Variants in CCND2 observed in about 807,000 individuals in gnomAD.
The protein encoded by CCND2 is G1/S-specific cyclin-D2.
A neutral mutation model predicts 30.2 loss-of-function variants in CCND2; 6 were observed. That is an observed-to-expected ratio of 0.20 (90% CI 0.11 to 0.39). CCND2 has a LOEUF of 0.39. Among genes scored for constraint, CCND2 ranks in the 10% least tolerant of loss-of-function variants. The pLI, the probability that CCND2 is intolerant of heterozygous loss-of-function variation, is 1.00. For synonymous variants in CCND2, 150 were observed against 153.1 expected (o/e 0.98, Z 0.15); for missense variants, 235 against 373.4 (o/e 0.63, Z 3.06).
Position 4,273,885 on chromosome 12 carries a change from T to C in CCND2, c.-156T>C. The C allele has an allele frequency of 5.7e-6, 4 of 704,834 alleles. No homozygotes were observed. Among genetic ancestry groups the C allele is most frequent in the Non-Finnish European group, 9.3e-6 (4 of 431,084 alleles). The allele number at this position is 704,834 out of a possible 1,614,324, so 43.7% of individuals were successfully genotyped here. ...TCCTCGCCTCCCTTCTGCTCCACCT[T>C]CTCTCTCTGCCCTCACCTCTCCCCC... On this transcript the variant is annotated 5_prime_UTR_variant, in exon 1 of 5. Coordinates refer to ENST00000261254, the MANE Select transcript of CCND2 (RefSeq NM_001759.4). The surrounding 1 kb of genome is among the most constrained non-coding windows in gnomAD (Gnocchi z 5.9).
At chr12:4,290,775 C>A (rs1416288468) in intron 4 of CCND2, among the ~76,000 whole-genome samples, 1 of 152,208 alleles carries the variant, frequency 6.6e-6, no homozygotes, top group Non-Finnish European at 1.5e-5. Context: ...TTCGAGACCG[C>A]AGGCAAGTCA....
In CCND2 at chr12:4,305,172, T is replaced by C. The variant is rs760549484; in HGVS notation, c.*5163T>C. ...TTTTTAGGAAGTATGGCAAAAATGT[T>C]GTATTGGCTATGATGGTGACATGAT... is the stretch of plus-strand genomic sequence containing the variant. On this transcript the variant is annotated 3_prime_UTR_variant, in exon 5 of 5. Coordinates refer to ENST00000261254, the MANE Select transcript of CCND2 (RefSeq NM_001759.4). The surrounding 1 kb of genome is among the most constrained non-coding windows in gnomAD (Gnocchi z 6.4). 4.1e-4 allele frequency: 96 copies of C among 233,334 alleles called. No individual in the cohort carries two copies. Among genetic ancestry groups the C allele is most frequent in the Non-Finnish European group, 5.9e-5 (7 of 117,932 alleles). 14.5% of individuals were successfully genotyped at this position (233,334 alleles called of 1,614,324 possible). A position where few individuals can be genotyped will look rare whatever the true frequency, so the allele number is the denominator to read the frequency against.
chr12:4,273,934 GAA>G lies in CCND2; in HGVS notation c.-106_-105del. 2 of 1,105,382 alleles carry G rather than the reference GAA, an allele frequency of 1.8e-6. No homozygotes were observed. The highest frequency in any genetic ancestry group is 2.5e-6 in the Non-Finnish European group (2 of 785,996). 68.5% of individuals were successfully genotyped at this position (1,105,382 alleles called of 1,614,324 possible). A position where few individuals can be genotyped will look rare whatever the true frequency, so the allele number is the denominator to read the frequency against. On this transcript the variant is annotated 5_prime_UTR_variant, in exon 1 of 5. Transcript: ENST00000261254. The surrounding 1 kb of genome is among the most constrained non-coding windows in gnomAD (Gnocchi z 5.9). Reference sequence around the variant, plus strand: ...CCGAAAACCCCCTATTTAGCCAAAGGAAGGAGGTCAGGGGAACGCTCTCCCCT... The same window carrying G: ...CCGAAAACCCCCTATTTAGCCAAAGGGGAGGTCAGGGGAACGCTCTCCCCT...
intron 3 of CCND2, among the ~76,000 whole-genome samples, chr12:4,286,485 C>G (rs752289579): frequency 1.3e-5 from 2 of 152,326 alleles, no homozygotes; most frequent in Non-Finnish European, 2.9e-5. Flanking sequence ...TGCTCGTCTT[C>G]TGTGTAGCGG....
In CCND2 at chr12:4,303,533, A is replaced by G. The variant is rs1292453476; in HGVS notation, c.*3524A>G. On this transcript the variant is annotated 3_prime_UTR_variant, in exon 5 of 5. Coordinates refer to ENST00000261254, the MANE Select transcript of CCND2 (RefSeq NM_001759.4). This position sits in a 1 kb window ranked among gnomAD's most constrained non-coding sequence, Gnocchi z 4.6. ...CTTCCATCTGTTTGTTTTTTTCTCCATCAGTGGGGGCCGAGTTGTTCCCCC... is the reference window on the plus strand; with the variant it reads ...CTTCCATCTGTTTGTTTTTTTCTCCGTCAGTGGGGGCCGAGTTGTTCCCCC... 8.6e-6 allele frequency: 2 copies of G among 233,024 alleles called. No homozygotes were observed. Among genetic ancestry groups the G allele is most frequent in the East Asian group, 6.0e-5 (1 of 16,580 alleles). The allele number at this position is 233,024 out of a possible 1,614,324, so 14.4% of individuals were successfully genotyped here.
At position 4,300,225 on chromosome 12, in the gene CCND2, G is replaced by A. The variant is rs998253565; in HGVS notation, c.*216G>A. On this transcript the variant is annotated 3_prime_UTR_variant, in exon 5 of 5. Transcript: ENST00000261254. ...GGTGCCTATTTGAAGTACAGCATAA[G>A]GGAATCCCTTGTATATGCGAACAGT... is the stretch of plus-strand genomic sequence containing the variant. 3.0e-5 allele frequency: 15 copies of A among 506,582 alleles called. No homozygotes were observed. The highest frequency in any genetic ancestry group is 2.3e-4 in the African/African-American group (12 of 52,846). The allele number at this position is 506,582 out of a possible 1,614,324, so 31.4% of individuals were successfully genotyped here. A position where few individuals can be genotyped will look rare whatever the true frequency, so the allele number is the denominator to read the frequency against.
intron 4 of CCND2, among the ~76,000 whole-genome samples, chr12:4,295,439 G>A (rs1006911841): frequency 6.6e-6 from 1 of 152,156 alleles, no homozygotes; most frequent in Non-Finnish European, 1.5e-5. Flanking sequence ...GAGTGTACCT[G>A]CCTTGGTCAT....
At position 4,273,920 on chromosome 12, in the gene CCND2, CTA is replaced by C; in HGVS notation, c.-119_-118del. 2 of 961,730 alleles carry C rather than the reference CTA, an allele frequency of 2.1e-6. No individual in the cohort carries two copies. Among genetic ancestry groups the C allele is most frequent in the Non-Finnish European group, 3.0e-6 (2 of 660,220 alleles). 59.6% of individuals were successfully genotyped at this position (961,730 alleles called of 1,614,324 possible). ...CCCTCACCTCTCCCCCGAAAACCCCCTATTTAGCCAAAGGAAGGAGGTCAGGG... is the reference window on the plus strand; with the variant it reads ...CCCTCACCTCTCCCCCGAAAACCCCCTTTAGCCAAAGGAAGGAGGTCAGGG... On this transcript the variant is annotated 5_prime_UTR_variant, in exon 1 of 5. Coordinates refer to ENST00000261254, the MANE Select transcript of CCND2 (RefSeq NM_001759.4). This position sits in a 1 kb window ranked among gnomAD's most constrained non-coding sequence, Gnocchi z 5.9.
chr12:4,291,558 G>A (rs142198009), intron 4 of CCND2, among the ~76,000 whole-genome samples: 11 of 152,150 alleles, frequency 7.2e-5, no homozygotes, highest in Admixed American at 2.0e-4. Context: ...AGAGTAAAGC[G>A]TGCAAAACCC....
intron 4 of CCND2, among the ~76,000 whole-genome samples, chr12:4,297,340 G>C (rs937988071): frequency 6.6e-6 from 1 of 152,132 alleles, no homozygotes; most frequent in Admixed American, 6.5e-5. Context: ...GGGAGGCCAA[G>C]GCGGGCAGAT....
chr12:4,292,718 C>T (rs756079086), intron 4 of CCND2, among the ~76,000 whole-genome samples: 1 of 152,074 alleles, frequency 6.6e-6, no homozygotes, highest in Non-Finnish European at 1.5e-5. Context: ...TCCTTCCAAT[C>T]GTAAGAGTTG....
rs1864045093 is a variant in CCND2 at position 4,287,878 on chromosome 12, G to T, written c.572-964G>T. Among the ~76,000 whole-genome samples the T allele has an allele frequency of 6.6e-6, 1 of 152,190 alleles. No individual in the cohort carries two copies. Among genetic ancestry groups the T allele is most frequent in the Admixed American group, 6.5e-5 (1 of 15,276 alleles). ...TGAAGGAGTGCTCGGAGGAACACAA[G>T]GGGGCTGGTCTTCCAAGAGGAGCCC... On this transcript the variant is annotated intron_variant, in intron 3 of 4. Coordinates refer to ENST00000261254, the MANE Select transcript of CCND2 (RefSeq NM_001759.4). The surrounding 1 kb of genome is among the most constrained non-coding windows in gnomAD (Gnocchi z 4.0).
chr12:4,294,493 G>A (rs777357897), intron 4 of CCND2, among the ~76,000 whole-genome samples: 28 of 152,188 alleles, frequency 1.8e-4, no homozygotes, highest in Admixed American at 3.3e-4. Flanking sequence ...CTTGACATGC[G>A]TGTAACACCT....
rs772607278 is a variant in CCND2, at chr12:4,274,248, G to C, written c.195+13G>C. The C allele has an allele frequency of 6.2e-7, 1 of 1,612,854 alleles. No individual in the cohort carries two copies. The highest frequency in any genetic ancestry group is 8.5e-7 in the Non-Finnish European group (1 of 1,179,212). On this transcript the variant is annotated intron_variant, in intron 1 of 4. Transcript: ENST00000261254. The surrounding 1 kb of genome is among the most constrained non-coding windows in gnomAD (Gnocchi z 7.7). ...CTGGATGCTGGAGGTAGGTCGGGGG[G>C]TGGCGCTCGCCAGGAGCCAGGACCC...
At chr12:4,295,087 C>T (rs1261092587) in intron 4 of CCND2, among the ~76,000 whole-genome samples, 2 of 152,204 alleles carry the variant, frequency 1.3e-5, no homozygotes, top group East Asian at 3.9e-4. Context: ...AATTTATATG[C>T]CCTTCCCAAG....
At position 4,276,333 on chromosome 12, in the gene CCND2, CA is replaced by C; in HGVS notation, c.411+114del. The C allele has an allele frequency of 1.2e-6, 1 of 830,074 alleles. No individual in the cohort carries two copies. Among genetic ancestry groups the C allele is most frequent in the Non-Finnish European group, 1.9e-6 (1 of 531,176 alleles). 51.4% of individuals were successfully genotyped at this position (830,074 alleles called of 1,614,324 possible). A position where few individuals can be genotyped will look rare whatever the true frequency, so the allele number is the denominator to read the frequency against. ...AAATTCTTGGGATCCAGAATGACCCCACCAATAGAATTTACCCACTTATGGG... is the reference window on the plus strand; with the variant it reads ...AAATTCTTGGGATCCAGAATGACCCCCCAATAGAATTTACCCACTTATGGG... On this transcript the variant is annotated intron_variant, in intron 2 of 4. Transcript: ENST00000261254. The surrounding 1 kb of genome is among the most constrained non-coding windows in gnomAD (Gnocchi z 4.8).
At chr12:4,279,461 C>T (rs1863918621) in intron 3 of CCND2, among the ~76,000 whole-genome samples, 1 of 151,850 alleles carries the variant, frequency 6.6e-6, no homozygotes, top group South Asian at 2.1e-4. Context: ...AGCTGTTTGC[C>T]CCACTGGGCG....
chr12:4,299,338 G>T lies in CCND2; in HGVS notation c.721-522G>T, dbSNP rs1265826581. On this transcript the variant is annotated intron_variant, in intron 4 of 4. Transcript: ENST00000261254. This position sits in a 1 kb window ranked among gnomAD's most constrained non-coding sequence, Gnocchi z 5.2. The stretch of plus-strand genomic sequence containing the variant: ...TTGTGCCAGTGCACTCCAGCCTGGG[G>T]GACAGAGTGAGAAAAAGTATTTACA... Among the ~76,000 whole-genome samples the T allele has an allele frequency of 6.6e-6, 1 of 152,158 alleles. No homozygotes were observed. The highest frequency in any genetic ancestry group is 1.5e-5 in the Non-Finnish European group (1 of 68,032).
chr12:4,282,225 G>A lies in CCND2; in HGVS notation c.571+3306G>A, dbSNP rs139506655. Among the ~76,000 whole-genome samples the A allele has an allele frequency of 1.3e-3, 196 of 152,208 alleles. 2 individuals are homozygous for A. The highest frequency in any genetic ancestry group is 0.01 in the Middle Eastern group (3 of 294). On this transcript the variant is annotated intron_variant, in intron 3 of 4. Coordinates refer to ENST00000261254, the MANE Select transcript of CCND2 (RefSeq NM_001759.4). This position sits in a 1 kb window ranked among gnomAD's most constrained non-coding sequence, Gnocchi z 4.3. ...TGGCATTGAGTTTACACCTGGCACC[G>A]GGTAGGGGGAGGTGCTCACCCTCCC...
Sources: allele counts gnomAD v4.1 joint callset (sites outside exome capture counted in the v4.1 genomes callset), GRCh38; gene constraint gnomAD v4.1.1; non-coding constraint Gnocchi (gnomAD v3.1); transcripts MANE v1.5; gene names NCBI Gene and HGNC (gene_info 2026-07-23, HGNC 2026-07-21).